The following EVA1A variants were observed in gnomAD, a reference collection of about 807,000 sequenced individuals.
The protein encoded by EVA1A is eva-1 homolog A, regulator of programmed cell death, also known as protein eva-1 homolog A.
A neutral mutation model predicts 9.8 loss-of-function variants in EVA1A; 7 were observed. The observed-to-expected ratio is 0.71, with a 90% CI of 0.41 to 1.34. EVA1A has a LOEUF of 1.34. Among genes scored for constraint, EVA1A ranks in the 40% most tolerant of loss-of-function variants. The pLI, the probability that EVA1A is intolerant of heterozygous loss-of-function variation, is 0.01. For synonymous variants in EVA1A, 90 were observed against 85.6 expected (o/e 1.05, Z -0.28); for missense variants, 206 against 205.9 (o/e 1.00, Z 0.00).
At chr2:75,520,675 C>T (rs1464553070) in intron 2 of EVA1A, among the ~76,000 whole-genome samples, 1 of 152,116 alleles carries the variant, frequency 6.6e-6, no homozygotes, top group Non-Finnish European at 1.5e-5. Context: ...CCTTACCTTA[C>T]ACTATATAAA....
Position 75,493,061 on chromosome 2 carries a change from C to G in EVA1A, c.*175G>C. On this transcript the variant is annotated 3_prime_UTR_variant, in exon 4 of 4. Transcript: ENST00000393913. ...ATGAACTGCTTTGATTTTTCTACTT[C>G]TCCATACATTTGGCCAAAAAGGAGC... is the stretch of plus-strand genomic sequence containing the variant. 2 of 874,860 alleles carry G rather than the reference C, an allele frequency of 2.3e-6. No homozygotes were observed. Among genetic ancestry groups the G allele is most frequent in the Non-Finnish European group, 3.5e-6 (2 of 570,284 alleles). 54.2% of individuals were successfully genotyped at this position (874,860 alleles called of 1,614,324 possible).
upstream of EVA1A, among the ~76,000 whole-genome samples, chr2:75,561,903 TGAGGA>T (rs915678972): frequency 1.3e-5 from 2 of 151,712 alleles, no homozygotes; most frequent in Non-Finnish European, 2.9e-5. Context: ...AGGGAGAAGA[TGAGGA>T]GAGGATGAAG....
intron 3 of EVA1A, among the ~76,000 whole-genome samples, chr2:75,501,371 C>A (rs1674413068): frequency 6.6e-6 from 1 of 152,088 alleles, no homozygotes; most frequent in African/African-American, 2.4e-5. Context: ...AAGGAATTTT[C>A]TTAGAGTTCT....
At chr2:75,548,979 G>GAAAAAAAA (rs150555298) in intron 1 of EVA1A, among the ~76,000 whole-genome samples, 31 of 130,142 alleles carry the variant, frequency 2.4e-4, no homozygotes, top group South Asian at 9.9e-4. Context: ...CTGGCTAAAT[G>GAAAAAAAA]AAAAATATAT....
At chr2:75,524,125 C>T (rs936465293) in intron 1 of EVA1A, 4 of 152,550 alleles carry the variant, frequency 2.6e-5, no homozygotes, top group African/African-American at 9.7e-5. Context: ...CACCATGATC[C>T]TAAGGCCTCC....
chr2:75,550,202 A>G (rs930791792), intron 1 of EVA1A, among the ~76,000 whole-genome samples: 1 of 152,162 alleles, frequency 6.6e-6, no homozygotes, highest in African/African-American at 2.4e-5. Flanking sequence ...CAGTGGTCAA[A>G]TCCTCTAGGG....
chr2:75,512,047 T>C (rs1237688133), intron 3 of EVA1A, among the ~76,000 whole-genome samples: 5 of 151,762 alleles, frequency 3.3e-5, no homozygotes, highest in African/African-American at 9.7e-5. Flanking sequence ...TATGGGTACA[T>C]AGAAGCTACA....
At position 75,493,342 on chromosome 2, in the gene EVA1A, AGCTCCTCCGCAGAG is replaced by A; in HGVS notation, c.339_352del (p.Ser114GlyfsTer23). The A allele has an allele frequency of 6.2e-7, 1 of 1,614,164 alleles. No homozygotes were observed. Among genetic ancestry groups the A allele is most frequent in the Non-Finnish European group, 8.5e-7 (1 of 1,180,012 alleles). On this transcript the variant is annotated frameshift_variant, in exon 4 of 4. Transcript: ENST00000393913. LOFTEE classifies it high-confidence loss of function. ...CTCCTCCAGCCGCTGGGCGCGCTCC[AGCTCCTCCGCAGAG>A]GTGAACACATTCTTGTTCAAAGTCC...
intron 1 of EVA1A, among the ~76,000 whole-genome samples, chr2:75,569,166 T>C (rs1677080050): frequency 2.0e-5 from 3 of 152,148 alleles, no homozygotes; most frequent in Non-Finnish European, 2.9e-5. Context: ...TTTAATTTAA[T>C]AAATATTTTA....
At chr2:75,525,106 C>A (rs1162060544) in intron 1 of EVA1A, among the ~76,000 whole-genome samples, 2 of 151,806 alleles carry the variant, frequency 1.3e-5, no homozygotes, top group African/African-American at 4.8e-5. Context: ...TATAAATATA[C>A]AATGTATATA....
chr2:75,560,348 G>C (rs1676879170), intron 1 of EVA1A, among the ~76,000 whole-genome samples: 1 of 152,210 alleles, frequency 6.6e-6, no homozygotes, highest in African/African-American at 2.4e-5. Flanking sequence ...AGGCACAGGA[G>C]AGAAGCGCTA....
chr2:75,546,571 C>A lies in EVA1A; in HGVS notation c.-192+14109G>T, dbSNP rs559548360. Among the ~76,000 whole-genome samples the A allele has an allele frequency of 2.3e-3, 344 of 152,168 alleles. 2 individuals carry two copies. The highest frequency in any genetic ancestry group is 7.5e-3 in the African/African-American group (311 of 41,526). On this transcript the variant is annotated intron_variant, in intron 1 of 3. Coordinates refer to ENST00000393913, the MANE Select transcript of EVA1A (RefSeq NM_001135032.2). ...TATACGACGTGGATGGAAAAACTGA[C>A]CACAGATGAAGACACCTTGGAGAAG...
intron 1 of EVA1A, among the ~76,000 whole-genome samples, chr2:75,541,294 T>A (rs759072019): frequency 6.6e-6 from 1 of 152,176 alleles, no homozygotes; most frequent in Non-Finnish European, 1.5e-5. Context: ...ATTCTGTCCA[T>A]AAGTATTAGG....
At chr2:75,511,384 G>T (rs750629435) in intron 3 of EVA1A, among the ~76,000 whole-genome samples, 1 of 152,050 alleles carries the variant, frequency 6.6e-6, no homozygotes, top group African/African-American at 2.4e-5. Flanking sequence ...ATTTTCACTG[G>T]ACATAAGTAA....
At chr2:75,544,012 A>G (rs1447652517) in intron 1 of EVA1A, among the ~76,000 whole-genome samples, 2 of 152,230 alleles carry the variant, frequency 1.3e-5, no homozygotes, top group Non-Finnish European at 2.9e-5. Flanking sequence ...AGTGTGTGAT[A>G]CCAAATGTGA....
At chr2:75,518,357 C>T in intron 2 of EVA1A, 149 bp from the exon 3 acceptor site, 1 of 889,634 alleles carries the variant, frequency 1.1e-6, no homozygotes, top group Non-Finnish European at 1.6e-6. Context: ...CCTCTCTGGC[C>T]AGCCCCACTT....
chr2:75,562,528 C>T (rs1281333261), upstream of EVA1A, among the ~76,000 whole-genome samples: 2 of 152,236 alleles, frequency 1.3e-5, no homozygotes, highest in Non-Finnish European at 2.9e-5. Context: ...GTAGAAAGGG[C>T]CCTTGTTTCC....
At chr2:75,568,259 A>C (rs1208420656) in intron 1 of EVA1A, among the ~76,000 whole-genome samples, 4 of 151,784 alleles carry the variant, frequency 2.6e-5, no homozygotes, top group Non-Finnish European at 5.9e-5. Flanking sequence ...CCCCATGTTT[A>C]TGTTAATAAT....
rs144536462 is a variant in EVA1A, at chr2:75,540,480, G to A, written c.-191-17993C>T. Among the ~76,000 whole-genome samples the A allele has an allele frequency of 2.2e-3, 328 of 152,274 alleles. 2 individuals carry two copies. Among genetic ancestry groups the A allele is most frequent in the African/African-American group, 7.0e-3 (291 of 41,550 alleles). ...TTTCATTGTATAAAGCAAATGTTGA[G>A]TTTCCACAGCTGCTGGCTTCAGCCT... On this transcript the variant is annotated intron_variant, in intron 1 of 3. Transcript: ENST00000393913.
Sources: allele counts gnomAD v4.1 joint callset (sites outside exome capture counted in the v4.1 genomes callset), GRCh38; gene constraint gnomAD v4.1.1; transcripts MANE v1.5; gene names NCBI Gene and HGNC (gene_info 2026-07-23, HGNC 2026-07-21).